SERTM1: variants seen among roughly 807,000 people sequenced by gnomAD.
SERTM1 encodes serine-rich and transmembrane domain-containing protein 1.
Under a neutral mutation model 5.5 loss-of-function variants are expected in SERTM1, and 1 was observed. The observed-to-expected ratio is 0.18, with a 90% CI of 0.06 to 0.86. SERTM1 has a LOEUF of 0.86. Ranked by LOEUF, SERTM1 falls within the 40% of genes least tolerant of loss-of-function variation. SERTM1 has a pLI of 0.69. For synonymous variants in SERTM1, 52 were observed against 55.1 expected, an observed-to-expected ratio of 0.94 and a Z score of 0.25; for missense variants, 91 against 122.4, an observed-to-expected ratio of 0.74 and a Z score of 1.21.
intron 1 of SERTM1, among the ~76,000 whole-genome samples, chr13:36,683,077 T>A (rs1386897915): frequency 1.3e-5 from 2 of 152,140 alleles, no homozygotes; most frequent in African/African-American, 2.4e-5. Context: ...ACGATGAGTT[T>A]TTTTTTCCAC....
chr13:36,685,473 C>T (rs2056734527), intron 1 of SERTM1, among the ~76,000 whole-genome samples: 1 of 152,220 alleles, frequency 6.6e-6, no homozygotes, highest in Non-Finnish European at 1.5e-5. Flanking sequence ...TCATCTGGCA[C>T]TGACAATTTC....
At chr13:36,687,690 G>A (rs1346023800) in intron 1 of SERTM1, among the ~76,000 whole-genome samples, 1 of 152,040 alleles carries the variant, frequency 6.6e-6, no homozygotes, top group East Asian at 1.9e-4. Flanking sequence ...TTTGGGGTCT[G>A]TGTTATAGAG....
At chr13:36,693,458 C>G (rs1204860965) in intron 1 of SERTM1, among the ~76,000 whole-genome samples, 1 of 151,596 alleles carries the variant, frequency 6.6e-6, no homozygotes, top group African/African-American at 2.4e-5. Context: ...TTAAAATCAC[C>G]AGGCAATGCA....
intron 1 of SERTM1, among the ~76,000 whole-genome samples, chr13:36,682,557 G>A (rs1368318718): frequency 6.6e-6 from 1 of 152,144 alleles, no homozygotes; most frequent in Non-Finnish European, 1.5e-5. Flanking sequence ...TTGGATTTGG[G>A]TTCAAGTTAG....
rs1031437802 is a variant in SERTM1, at chr13:36,695,719, C to T, written c.*317C>T. The T allele has an allele frequency of 3.6e-5, 11 of 303,946 alleles. No homozygotes were observed. The highest frequency in any genetic ancestry group is 1.8e-4 in the African/African-American group (8 of 45,666). The allele number at this position is 303,946 out of a possible 1,614,324, so 18.8% of individuals were successfully genotyped here. On this transcript the variant is annotated 3_prime_UTR_variant, in exon 2 of 2. Transcript: ENST00000315190. ...GTAGGCTCATCTGAGGTGGCCTCTC[C>T]GTGGATGCTGGACATGGACTCGCAC...
intron 1 of SERTM1, among the ~76,000 whole-genome samples, chr13:36,678,100 G>C (rs1047181613): frequency 2.0e-5 from 3 of 152,232 alleles, no homozygotes; most frequent in South Asian, 2.1e-4. Context: ...TTAAAAACCA[G>C]CAGTATTTTC....
chr13:36,680,414 A>T (rs999771368), intron 1 of SERTM1, among the ~76,000 whole-genome samples: 1 of 152,072 alleles, frequency 6.6e-6, no homozygotes, highest in African/African-American at 2.4e-5. Flanking sequence ...CCTCTGGATT[A>T]AAAAAAATTA....
chr13:36,677,230 G>GA (rs1200548642), intron 1 of SERTM1, among the ~76,000 whole-genome samples: 3 of 151,146 alleles, frequency 2.0e-5, no homozygotes, highest in Admixed American at 6.6e-5. Flanking sequence ...TTTGGAAAAA[G>GA]AAAAAAAAGA....
At chr13:36,680,471 C>G (rs542296164) in intron 1 of SERTM1, among the ~76,000 whole-genome samples, 2 of 152,276 alleles carry the variant, frequency 1.3e-5, no homozygotes, top group Non-Finnish European at 2.9e-5. Flanking sequence ...CAGCTCAGCT[C>G]TGAGTATAGA....
At chr13:36,684,532 C>A (rs956552461) in intron 1 of SERTM1, among the ~76,000 whole-genome samples, 1 of 151,972 alleles carries the variant, frequency 6.6e-6, no homozygotes. Flanking sequence ...CCACAAGCAT[C>A]CTGGGTTTGC....
At chr13:36,677,830 T>C (rs1177472055) in intron 1 of SERTM1, among the ~76,000 whole-genome samples, 2 of 152,222 alleles carry the variant, frequency 1.3e-5, no homozygotes, top group Non-Finnish European at 2.9e-5. Flanking sequence ...TTCAATTTCC[T>C]TGTGACCAGG....
At chr13:36,675,537 G>A (rs2056664593) in intron 1 of SERTM1, among the ~76,000 whole-genome samples, 1 of 152,190 alleles carries the variant, frequency 6.6e-6, no homozygotes, top group South Asian at 2.1e-4. Context: ...TATTTAATTT[G>A]CTGAATTATA....
At position 36,696,380 on chromosome 13, in the gene SERTM1, G is replaced by A. The variant is rs943773020; in HGVS notation, c.*978G>A. 2.4e-5 allele frequency: 4 copies of A among 165,452 alleles called. No individual in the cohort carries two copies. Among genetic ancestry groups the A allele is most frequent in the African/African-American group, 9.7e-5 (4 of 41,428 alleles). 10.2% of individuals were successfully genotyped at this position (165,452 alleles called of 1,614,324 possible). A position where few individuals can be genotyped will look rare whatever the true frequency, so the allele number is the denominator to read the frequency against. On this transcript the variant is annotated 3_prime_UTR_variant, in exon 2 of 2. Transcript: ENST00000315190. ...GTCTGATATTTGTTCACTCACATTA[G>A]GTTGTAAAACTTAGAAACTAAATTG...
At chr13:36,681,803 G>T (rs908700053) in intron 1 of SERTM1, among the ~76,000 whole-genome samples, 1 of 152,108 alleles carries the variant, frequency 6.6e-6, no homozygotes, top group African/African-American at 2.4e-5. Flanking sequence ...TTTTTATTGT[G>T]CCCTTCAGAA....
chr13:36,683,563 A>C (rs2056719828), intron 1 of SERTM1, among the ~76,000 whole-genome samples: 1 of 152,186 alleles, frequency 6.6e-6, no homozygotes, highest in Non-Finnish European at 1.5e-5. Context: ...CATAAGTGTC[A>C]ATGGGGCCAG....
At chr13:36,674,771 T>G (rs192762257) in intron 1 of SERTM1, among the ~76,000 whole-genome samples, 9 of 152,280 alleles carry the variant, frequency 5.9e-5, no homozygotes, top group Non-Finnish European at 1.2e-4. Flanking sequence ...GAGAGTCTTT[T>G]CGCCCGTCTT....
intron 1 of SERTM1, among the ~76,000 whole-genome samples, chr13:36,681,186 A>G (rs2056702680): frequency 6.6e-6 from 1 of 152,230 alleles, no homozygotes; most frequent in Admixed American, 6.5e-5. Context: ...TCGTCATGAG[A>G]TACAGAACTC....
chr13:36,677,269 G>A (rs886594685), intron 1 of SERTM1, among the ~76,000 whole-genome samples: 4 of 152,118 alleles, frequency 2.6e-5, no homozygotes, highest in Admixed American at 6.5e-5. Flanking sequence ...TCAAACAGCC[G>A]TACACACTTT....
chr13:36,693,187 A>G (rs965115288), intron 1 of SERTM1, among the ~76,000 whole-genome samples: 2 of 152,214 alleles, frequency 1.3e-5, no homozygotes, highest in African/African-American at 4.8e-5. Context: ...TGCTACACTT[A>G]GGAGGTTGTA....
Sources: allele counts gnomAD v4.1 joint callset (sites outside exome capture counted in the v4.1 genomes callset), GRCh38; gene constraint gnomAD v4.1.1; transcripts MANE v1.5; gene names NCBI Gene and HGNC (gene_info 2026-07-23, HGNC 2026-07-21).